Variants in TSGA10 observed in about 807,000 individuals in gnomAD.
TSGA10 encodes the protein testis-specific gene 10 protein.
In TSGA10, 43 loss-of-function variants were observed where a neutral mutation model predicts 96.6. The ratio of observed to expected loss-of-function variants is 0.44; its 90% CI spans 0.35 to 0.57. The LOEUF (loss-of-function observed/expected upper bound fraction) is 0.57, where lower values mean the gene tolerates loss of function less well. TSGA10 is among the 20% of genes least tolerant of loss of function. TSGA10 has a pLI of 0.01. For missense variants in TSGA10, 703 were observed against 834.4 expected (o/e 0.84, Z 1.94); for synonymous variants, 229 against 269.9 (o/e 0.85, Z 1.48).
chr2:99,034,092 C>A, intron 17 of TSGA10, among the ~76,000 whole-genome samples: 1 of 152,162 alleles, frequency 6.6e-6, no homozygotes, highest in East Asian at 1.9e-4. Flanking sequence ...TGACTTTATC[C>A]ATGCTAGAAG....
At chr2:99,049,435 A>G (rs1003582344) in intron 16 of TSGA10, among the ~76,000 whole-genome samples, 1 of 152,196 alleles carries the variant, frequency 6.6e-6, no homozygotes, top group Non-Finnish European at 1.5e-5. Flanking sequence ...TTACAGGGAC[A>G]TGGATGAAGC....
chr2:99,003,979 A>G (rs2078225154), intron 20 of TSGA10, among the ~76,000 whole-genome samples: 1 of 152,202 alleles, frequency 6.6e-6, no homozygotes, highest in South Asian at 2.1e-4. Flanking sequence ...GAGACATAAA[A>G]AACCCTTCAA....
At chr2:99,140,941 C>G (rs1193034844) in intron 1 of TSGA10, 1 of 476,090 alleles carries the variant, frequency 2.1e-6, no homozygotes, top group Non-Finnish European at 3.2e-6. Context: ...CTGCCCCTCA[C>G]AGCCGCTCCC....
chr2:99,013,497 T>C (rs182806410), intron 20 of TSGA10, among the ~76,000 whole-genome samples: 2,314 of 151,750 alleles, frequency 0.015, 64 homozygotes, highest in African/African-American at 0.052. Context: ...CACGCCCGGC[T>C]AATTTTTTGT....
At chr2:99,082,396 G>A (rs1206423007) in intron 10 of TSGA10, among the ~76,000 whole-genome samples, 1 of 151,946 alleles carries the variant, frequency 6.6e-6, no homozygotes, top group African/African-American at 2.4e-5. Context: ...CTAAACTAAG[G>A]TATAAAGTTA....
intron 2 of TSGA10, chr2:99,126,114 G>A (rs950491846): frequency 6.6e-6 from 1 of 152,440 alleles, no homozygotes; most frequent in Non-Finnish European, 1.5e-5. Context: ...GTGGGTAGGT[G>A]TAGGCACAAG....
At chr2:99,095,480 AAT>A (rs1314999704) in intron 10 of TSGA10, among the ~76,000 whole-genome samples, 2 of 152,168 alleles carry the variant, frequency 1.3e-5, no homozygotes, top group African/African-American at 4.8e-5. Flanking sequence ...TTTAAGTGAT[AAT>A]GATTCTTTAA....
intron 1 of TSGA10, among the ~76,000 whole-genome samples, chr2:99,136,034 T>C (rs1342440427): frequency 1.5e-5 from 2 of 131,708 alleles, no homozygotes; most frequent in African/African-American, 2.6e-5. Context: ...GTCTGCATCA[T>C]AGAGTTGCGT....
intron 14 of TSGA10, among the ~76,000 whole-genome samples, chr2:99,069,553 T>C (rs1197593415): frequency 6.6e-6 from 1 of 151,940 alleles, no homozygotes; most frequent in Non-Finnish European, 1.5e-5. Context: ...GTGTTTTTCC[T>C]GTAATCCTGG....
chr2:99,001,147 T>C (rs2104780129), intron 20 of TSGA10, among the ~76,000 whole-genome samples: 1 of 152,290 alleles, frequency 6.6e-6, no homozygotes, highest in Admixed American at 6.5e-5. Context: ...GAGTTTGAGA[T>C]CTGAGAACGG....
chr2:99,074,848 A>G (rs2086493391), intron 12 of TSGA10, among the ~76,000 whole-genome samples: 1 of 151,582 alleles, frequency 6.6e-6, no homozygotes, highest in Admixed American at 6.6e-5. Context: ...AATCCCAGCT[A>G]CTCAGGAGAC....
chr2:99,073,667 T>C (rs1020839423), intron 12 of TSGA10, among the ~76,000 whole-genome samples: 1 of 152,140 alleles, frequency 6.6e-6, no homozygotes, highest in African/African-American at 2.4e-5. Flanking sequence ...CGAGCAAAGG[T>C]AAGAGAAATA....
chr2:99,122,650 C>A (rs2092633805), intron 2 of TSGA10, among the ~76,000 whole-genome samples: 1 of 148,188 alleles, frequency 6.7e-6, no homozygotes, highest in African/African-American at 2.5e-5. Flanking sequence ...AATCAGCCAA[C>A]CATGGTGGTG....
chr2:99,146,869 C>T (rs976011233), intron 1 of TSGA10, among the ~76,000 whole-genome samples: 11 of 152,122 alleles, frequency 7.2e-5, no homozygotes, highest in African/African-American at 2.4e-4. Flanking sequence ...CCTCGTGATC[C>T]GCCCACCTCA....
At chr2:99,003,976 A>T (rs556553712) in intron 20 of TSGA10, among the ~76,000 whole-genome samples, 1 of 152,292 alleles carries the variant, frequency 6.6e-6, no homozygotes, top group Admixed American at 6.5e-5. Context: ...ATAGAGACAT[A>T]AAAAACCCTT....
chr2:99,017,907 T>C (rs191671883), intron 20 of TSGA10, among the ~76,000 whole-genome samples: 1 of 152,128 alleles, frequency 6.6e-6, no homozygotes, highest in Non-Finnish European at 1.5e-5. Context: ...CAAAAATTAC[T>C]GCTAAGGAAC....
rs866149501 is a variant in TSGA10, at chr2:99,046,288, C to T, written c.1405-10849G>A. On this transcript the variant is annotated intron_variant, in intron 16 of 20. Transcript: ENST00000393483. ...AATATACATTCTTCTCAGCACCACA[C>T]CACACTTATTCCAAAATTGACCACA... 1.8e-3 allele frequency among the ~76,000 whole-genome samples: 281 copies of T among 152,210 alleles called. 4 individuals carry two copies. The highest frequency in any genetic ancestry group is 6.5e-3 in the African/African-American group (271 of 41,548).
chr2:99,058,005 G>A (rs1051603073), intron 16 of TSGA10, among the ~76,000 whole-genome samples: 11 of 152,036 alleles, frequency 7.2e-5, no homozygotes, highest in Non-Finnish European at 1.5e-4. Flanking sequence ...GGGGGGAGGG[G>A]AGAAATAGTC....
At chr2:99,113,747 A>G (rs1224490182) in intron 4 of TSGA10, among the ~76,000 whole-genome samples, 1 of 149,680 alleles carries the variant, frequency 6.7e-6, no homozygotes, top group Middle Eastern at 3.2e-3. Flanking sequence ...GGGTTTCATC[A>G]TATTGGTCAG....
Sources: gnomAD v4.1 joint callset for allele counts (sites outside exome capture counted in the v4.1 genomes callset) on GRCh38, gnomAD v4.1.1 for gene constraint, MANE v1.5 for transcripts, NCBI Gene and HGNC (gene_info 2026-07-23, HGNC 2026-07-21) for gene names.